The following VEPH1 variants were observed in gnomAD, a reference collection of about 807,000 sequenced individuals.
The protein encoded by VEPH1 is ventricular zone-expressed PH domain-containing protein homolog 1.
A neutral mutation model predicts 85.2 loss-of-function variants in VEPH1; 80 were observed. The observed-to-expected ratio is 0.94, with a 90% CI of 0.78 to 1.13. The LOEUF (loss-of-function observed/expected upper bound fraction) is 1.13. Ranked by LOEUF, VEPH1 falls within the 50% of genes most tolerant of loss-of-function variation. The pLI, the probability that VEPH1 is intolerant of heterozygous loss-of-function variation, is 0.00. For missense variants in VEPH1, 955 were observed against 980.5 expected (o/e 0.97, Z 0.35); for synonymous variants, 297 against 348.0 (o/e 0.85, Z 1.63).
chr3:157,341,542 T>A (rs12696047), intron 9 of VEPH1, among the ~76,000 whole-genome samples: 7 of 151,914 alleles, frequency 4.6e-5, no homozygotes, highest in Admixed American at 3.3e-4. Context: ...ACCAAATCTA[T>A]GTCTGATTGG....
chr3:157,433,051 C>T (rs972517512), intron 4 of VEPH1, among the ~76,000 whole-genome samples: 3 of 152,122 alleles, frequency 2.0e-5, no homozygotes, highest in African/African-American at 4.8e-5. Context: ...ATTAATAAAG[C>T]AATAGATTTT....
intron 12 of VEPH1, among the ~76,000 whole-genome samples, chr3:157,279,548 TTAA>T (rs1715816634): frequency 6.6e-6 from 1 of 152,054 alleles, no homozygotes; most frequent in Non-Finnish European, 1.5e-5. Flanking sequence ...GATAAGCCAC[TTAA>T]TTATGTTTAG....
intron 9 of VEPH1, among the ~76,000 whole-genome samples, chr3:157,330,877 C>G (rs1030731233): frequency 3.3e-5 from 5 of 152,188 alleles, no homozygotes; most frequent in Non-Finnish European, 7.3e-5. Flanking sequence ...TGGGAATAAA[C>G]AAAGATGGAG....
Position 157,260,670 on chromosome 3 carries a change from T to C in VEPH1, c.*464A>G, listed in dbSNP as rs1712753326. The C allele has an allele frequency of 6.5e-6, 1 of 154,068 alleles. No homozygotes were observed. Among genetic ancestry groups the C allele is most frequent in the Non-Finnish European group, 1.4e-5 (1 of 69,554 alleles). 9.5% of individuals were successfully genotyped at this position (154,068 alleles called of 1,614,324 possible). On this transcript the variant is annotated 3_prime_UTR_variant, in exon 14 of 14. Coordinates refer to ENST00000362010, the MANE Select transcript of VEPH1 (RefSeq NM_001167912.2). ...GTTATATGGTTTTTCTCAGTGTACA[T>C]TAGTTCAACGTTTCTAAAGGTTTTT...
intron 6 of VEPH1, among the ~76,000 whole-genome samples, chr3:157,408,604 C>T (rs148026031): frequency 9.5e-4 from 144 of 152,184 alleles, no homozygotes; most frequent in Non-Finnish European, 1.4e-3. Flanking sequence ...AATTGCAACA[C>T]GACATAATTG....
At chr3:157,412,362 A>G (rs1205674692) in intron 6 of VEPH1, among the ~76,000 whole-genome samples, 1 of 152,154 alleles carries the variant, frequency 6.6e-6, no homozygotes, top group East Asian at 1.9e-4. Flanking sequence ...TACATCTTCC[A>G]TGGGAGTTTA....
chr3:157,446,807 G>C (rs1734588974), intron 4 of VEPH1, among the ~76,000 whole-genome samples: 1 of 152,158 alleles, frequency 6.6e-6, no homozygotes, highest in South Asian at 2.1e-4. Context: ...TAAATCTGGA[G>C]TGTAGCAGAA....
intron 12 of VEPH1, among the ~76,000 whole-genome samples, chr3:157,276,042 G>A (rs139313091): frequency 4.6e-5 from 7 of 152,264 alleles, no homozygotes; most frequent in South Asian, 4.1e-4. Flanking sequence ...TCCAGGCAGC[G>A]TTTGAGAGTG....
intron 5 of VEPH1, among the ~76,000 whole-genome samples, chr3:157,424,596 T>G (rs1732613979): frequency 6.6e-6 from 1 of 152,178 alleles, no homozygotes; most frequent in Non-Finnish European, 1.5e-5. Context: ...TGGTCTCAGA[T>G]GGAGATGAGA....
intron 2 of VEPH1, among the ~76,000 whole-genome samples, chr3:157,483,523 A>G (rs1738330958): frequency 6.6e-6 from 1 of 152,206 alleles, no homozygotes; most frequent in Non-Finnish European, 1.5e-5. Flanking sequence ...TATAAAGAAT[A>G]ATTATTTTTA....
intron 12 of VEPH1, among the ~76,000 whole-genome samples, chr3:157,277,683 C>T (rs1715568902): frequency 6.6e-6 from 1 of 152,126 alleles, no homozygotes; most frequent in Admixed American, 6.5e-5. Flanking sequence ...ATATATGAAA[C>T]ACACACATGT....
At position 157,374,269 on chromosome 3, in the gene VEPH1, A is replaced by ACTC. The variant is rs1279485378; in HGVS notation, c.1127+6886_1127+6887insGAG. Among the ~76,000 whole-genome samples the ACTC allele has an allele frequency of 9.5e-3, 1,454 of 152,262 alleles. 21 individuals carry two copies. Among genetic ancestry groups the ACTC allele is most frequent in the African/African-American group, 0.033 (1,361 of 41,536 alleles). ...AAGTGATCACCATAGACCTCTCTAG[A>ACTC]TTGAAAAGAGATACTCGTTTCCTAT... is the stretch of plus-strand genomic sequence containing the variant. On this transcript the variant is annotated intron_variant, in intron 7 of 13. Transcript: ENST00000362010.
At chr3:157,322,393 G>A (rs190112341) in intron 9 of VEPH1, among the ~76,000 whole-genome samples, 2 of 152,158 alleles carry the variant, frequency 1.3e-5, no homozygotes, top group African/African-American at 4.8e-5. Context: ...ATACCTTTTG[G>A]CTACTGTGAA....
chr3:157,293,636 A>C (rs553002237), intron 11 of VEPH1, among the ~76,000 whole-genome samples: 2 of 152,372 alleles, frequency 1.3e-5, no homozygotes, highest in East Asian at 3.9e-4. Context: ...AATCATGAAA[A>C]AATAATCTGA....
At chr3:157,331,788 G>A (rs1722531007) in intron 9 of VEPH1, among the ~76,000 whole-genome samples, 1 of 152,206 alleles carries the variant, frequency 6.6e-6, no homozygotes, top group Non-Finnish European at 1.5e-5. Context: ...TTTAAGGTCT[G>A]AAACTTTATC....
chr3:157,265,876 C>A (rs1376990342), intron 12 of VEPH1, among the ~76,000 whole-genome samples: 1 of 151,772 alleles, frequency 6.6e-6, no homozygotes, highest in Non-Finnish European at 1.5e-5. Flanking sequence ...GCCCTCATTG[C>A]CATTTTCAAA....
chr3:157,488,912 C>T (rs1385761034), intron 2 of VEPH1: 1 of 34,642 alleles, frequency 2.9e-5, no homozygotes, highest in Non-Finnish European at 4.5e-5. Context: ...TAAGTTCGTT[C>T]TCTCTCTCTC....
At chr3:157,344,345 T>C (rs1433424336) in intron 9 of VEPH1, among the ~76,000 whole-genome samples, 1 of 152,154 alleles carries the variant, frequency 6.6e-6, no homozygotes, top group African/African-American at 2.4e-5. Flanking sequence ...GCATACAAAA[T>C]CAATGTGCAA....
In VEPH1 at chr3:157,354,876, C is replaced by G. The variant is rs541421198; in HGVS notation, c.1735+8488G>C. On this transcript the variant is annotated intron_variant, in intron 9 of 13. Coordinates refer to ENST00000362010, the MANE Select transcript of VEPH1 (RefSeq NM_001167912.2). ...CCTAAGGAGTCTCTAGCCCCCTCTA[C>G]AGACTAATCTCCACATTGCAGGTAG... Among the ~76,000 whole-genome samples the G allele has an allele frequency of 2.6e-5, 4 of 152,292 alleles. No homozygotes were observed. The South Asian group carries it at 8.3e-4, about 32-fold the overall frequency.
Sources: gnomAD v4.1 joint callset for allele counts (sites outside exome capture counted in the v4.1 genomes callset) on GRCh38, gnomAD v4.1.1 for gene constraint, MANE v1.5 for transcripts, NCBI Gene and HGNC (gene_info 2026-07-23, HGNC 2026-07-21) for gene names.